The following CHM variants were observed in gnomAD, a reference collection of about 807,000 sequenced individuals.
The protein encoded by CHM is rab proteins geranylgeranyltransferase component A 1.
A neutral mutation model predicts 49.0 loss-of-function variants in CHM; 10 were observed. That is an observed-to-expected ratio of 0.20 (90% CI 0.13 to 0.35). The LOEUF is 0.35. Among genes scored for constraint, CHM ranks in the 10% least tolerant of loss-of-function variants. The probability of loss-of-function intolerance (pLI) is 1.00; values close to 1 mark genes in which losing one functional copy is unlikely to be tolerated. For synonymous variants in CHM, 184 were observed against 167.5 expected (o/e 1.10, Z -0.76); for missense variants, 455 against 478.4 (o/e 0.95, Z 0.46).
Position 85,958,572 on chromosome X carries a change from T to C in CHM, c.819+289A>G, listed in dbSNP as rs529607931. Among the ~76,000 whole-genome samples the C allele has an allele frequency of 3.4e-4, 38 of 111,364 alleles. No homozygotes were observed. The South Asian group carries it at 0.013, about 38-fold the overall frequency. ...GTTTCTTTCTTTTCCCTCTCCAAAA[T>C]CTTGATTAATGGGAGAAAAGGATTT... On this transcript the variant is annotated intron_variant, in intron 6 of 14. Transcript: ENST00000357749.
chrX:85,943,945 G>A (rs1326221044), intron 8 of CHM, among the ~76,000 whole-genome samples: 1 of 110,215 alleles, frequency 9.1e-6, no homozygotes, highest in Non-Finnish European at 1.9e-5. Flanking sequence ...AGGTTAAGGA[G>A]AATACTATGG....
intron 8 of CHM, among the ~76,000 whole-genome samples, chrX:85,916,680 A>G (rs141535621): frequency 1.8e-5 from 2 of 112,725 alleles, no homozygotes; most frequent in African/African-American, 6.5e-5. Context: ...GCAGCCAACA[A>G]GCATATGGAA....
In CHM at chrX:85,937,779, G is replaced by A. The variant is rs190323424; in HGVS notation, c.1166+18374C>T. ...GAATCAGTTGAATCCCTGAGGCAGA[G>A]GTTGCAGTGAGTCGAGATCCTGCCA... On this transcript the variant is annotated intron_variant, in intron 8 of 14. Coordinates refer to ENST00000357749, the MANE Select transcript of CHM (RefSeq NM_000390.4). 1.0e-4 allele frequency among the ~76,000 whole-genome samples: 11 copies of A among 107,799 alleles called. No individual in the cohort carries two copies. The East Asian group carries it at 3.2e-3, about 31-fold the overall frequency. 93.6% of individuals were successfully genotyped at this position (107,799 alleles called of 115,157 possible). A position where few individuals can be genotyped will look rare whatever the true frequency, so the allele number is the denominator to read the frequency against.
chrX:85,938,980 C>T (rs1163432869), intron 8 of CHM, among the ~76,000 whole-genome samples: 4 of 111,966 alleles, frequency 3.6e-5, no homozygotes, highest in African/African-American at 1.3e-4. Flanking sequence ...GATTCTAATA[C>T]TGTATTTTTA....
chrX:85,905,162 G>A (rs1208806415), intron 9 of CHM, among the ~76,000 whole-genome samples: 2 of 110,787 alleles, frequency 1.8e-5, no homozygotes, highest in Non-Finnish European at 1.9e-5. Flanking sequence ...CACTCCCTTG[G>A]AATCCCTATG....
At position 85,957,922 on chromosome X, in the gene CHM, T is replaced by C; in HGVS notation, c.873A>G (p.Glu291=). ...VFNSKQLTMV[E]KRMLMKFLTF... ...TAAGAAATTTCATTAGCATTCGCTT[T>C]TCTACCATAGTAAGTTGTTTGCTAT... The change falls in exon 7 of 15, where the codon GAA becomes GAG. Residue 291 remains glutamate (E), a synonymous_variant. Transcript: ENST00000357749. The C allele has an allele frequency of 8.3e-7, 1 of 1,211,022 alleles. No individual in the cohort carries two copies. Among genetic ancestry groups the C allele is most frequent in the South Asian group, 1.8e-5 (1 of 56,854 alleles).
In CHM at chrX:85,948,339, T is replaced by C. The variant is rs1007491930; in HGVS notation, c.1166+7814A>G. On this transcript the variant is annotated intron_variant, in intron 8 of 14. Coordinates refer to ENST00000357749, the MANE Select transcript of CHM (RefSeq NM_000390.4). Reference sequence around the variant, plus strand: ...GCCAGAAAATGTATCAACCAATTAATTTACATTAGGGAAAACTGTAAAGCT... The same window carrying C: ...GCCAGAAAATGTATCAACCAATTAACTTACATTAGGGAAAACTGTAAAGCT... 2.7e-5 allele frequency among the ~76,000 whole-genome samples: 3 copies of C among 112,104 alleles called. No homozygotes were observed. In the East Asian group the frequency reaches 8.4e-4, roughly 31 times the overall value.
intron 9 of CHM, among the ~76,000 whole-genome samples, chrX:85,908,168 A>T (rs774019727): frequency 3.3e-4 from 37 of 112,376 alleles, no homozygotes; most frequent in Non-Finnish European, 6.0e-4. Flanking sequence ...CCCTAATTAT[A>T]CTTAGAACAT....
At position 85,890,984 on chromosome X, in the gene CHM, G is replaced by C. The variant is rs745794895; in HGVS notation, c.1510+3204C>G. Among the ~76,000 whole-genome samples the C allele has an allele frequency of 6.3e-5, 7 of 111,450 alleles. No individual in the cohort carries two copies. In the South Asian group the frequency reaches 2.7e-3, roughly 43 times the overall value. ...TCAGATGGAGCTGAGGAACTTGTTGGGAACTCGAGTAAAGGTGACTCTTGT... is the reference window on the plus strand; with the variant it reads ...TCAGATGGAGCTGAGGAACTTGTTGCGAACTCGAGTAAAGGTGACTCTTGT... On this transcript the variant is annotated intron_variant, in intron 12 of 14. Coordinates refer to ENST00000357749, the MANE Select transcript of CHM (RefSeq NM_000390.4).
chrX:85,901,261 C>CA (rs1207685581), intron 9 of CHM, 73 bp from the exon 10 acceptor site: 2 of 648,157 alleles, frequency 3.1e-6, no homozygotes, highest in Non-Finnish European at 4.6e-6. Flanking sequence ...AATCGGCTAC[C>CA]AATTTTGAAT....
chrX:85,938,717 G>A (rs187549347), intron 8 of CHM, among the ~76,000 whole-genome samples: 63 of 110,243 alleles, frequency 5.7e-4, no homozygotes, highest in African/African-American at 1.8e-3. Flanking sequence ...TGAAACCCAA[G>A]TAACTGATTA....
At chrX:85,956,713 A>T (rs1424597997) in intron 7 of CHM, among the ~76,000 whole-genome samples, 1 of 111,967 alleles carries the variant, frequency 8.9e-6, no homozygotes, top group African/African-American at 3.2e-5. Flanking sequence ...AATGCCAATA[A>T]TGGTACTGAA....
chrX:85,925,023 T>C (rs1234665352), intron 8 of CHM, among the ~76,000 whole-genome samples: 2 of 111,758 alleles, frequency 1.8e-5, no homozygotes, highest in African/African-American at 6.5e-5. Context: ...TAACCTTCTA[T>C]AGGACAGTCA....
chrX:86,018,786 CA>C (rs1389187505), intron 2 of CHM, among the ~76,000 whole-genome samples: 1 of 111,143 alleles, frequency 9.0e-6, no homozygotes, highest in East Asian at 2.8e-4. Flanking sequence ...AGGCCAATGC[CA>C]AAAGTTTACA....
intron 4 of CHM, chrX:85,971,662 A>G: frequency 4.4e-6 from 1 of 225,570 alleles, no homozygotes; most frequent in Admixed American, 4.6e-5. Context: ...AGGGGACCGG[A>G]GCTGGTTGCC....
intron 8 of CHM, among the ~76,000 whole-genome samples, chrX:85,946,938 A>C (rs896338495): frequency 6.2e-5 from 7 of 112,582 alleles, no homozygotes; most frequent in African/African-American, 2.3e-4. Context: ...TCCTTACAGG[A>C]CTTGAATGGG....
chrX:85,968,951 C>T (rs778381916), intron 4 of CHM: 91 of 287,087 alleles, frequency 3.2e-4, no homozygotes, highest in Non-Finnish European at 4.0e-4. Context: ...TTCCTCTAAA[C>T]TGTAAAAATT....
intron 4 of CHM, chrX:85,969,124 T>C (rs1346664333): frequency 3.5e-5 from 24 of 686,666 alleles, no homozygotes; most frequent in Non-Finnish European, 3.8e-5. Flanking sequence ...TTATTTTTGG[T>C]ATGAATACAT....
At chrX:86,008,114 A>G (rs1021694847) in intron 2 of CHM, among the ~76,000 whole-genome samples, 1 of 111,725 alleles carries the variant, frequency 9.0e-6, no homozygotes, top group African/African-American at 3.3e-5. Context: ...GTAGGGACAT[A>G]GATGAAGCTG....
Sources: allele counts gnomAD v4.1 joint callset (sites outside exome capture counted in the v4.1 genomes callset), GRCh38; gene constraint gnomAD v4.1.1; transcripts MANE v1.5; gene names NCBI Gene and HGNC (gene_info 2026-07-23, HGNC 2026-07-21).